Variants in PITPNM2 observed in about 807,000 individuals in gnomAD.
The protein encoded by PITPNM2 is membrane-associated phosphatidylinositol transfer protein 2.
In PITPNM2, 35 loss-of-function variants were observed where a neutral mutation model predicts 132.2. The ratio of observed to expected loss-of-function variants is 0.26; its 90% CI spans 0.20 to 0.35. The LOEUF (loss-of-function observed/expected upper bound fraction) is 0.35. Among genes scored for constraint, PITPNM2 ranks in the 10% least tolerant of loss-of-function variants. The pLI is 1.00. For missense variants in PITPNM2, 1,332 were observed against 1,912.0 expected, an observed-to-expected ratio of 0.70 and a Z score of 5.66; for synonymous variants, 738 against 799.2, an observed-to-expected ratio of 0.92 and a Z score of 1.29.
chr12:123,038,679 C>T (rs1373737668), intron 2 of PITPNM2, among the ~76,000 whole-genome samples: 1 of 151,484 alleles, frequency 6.6e-6, no homozygotes, highest in Non-Finnish European at 1.5e-5. Flanking sequence ...AGGGCAGGAA[C>T]GTGGGGCTCC....
At chr12:123,026,858 T>A (rs763540664) in intron 3 of PITPNM2, among the ~76,000 whole-genome samples, 6 of 152,260 alleles carry the variant, frequency 3.9e-5, no homozygotes, top group African/African-American at 7.2e-5. Context: ...TTCCTGTGTC[T>A]TGGTCCTTTC....
chr12:123,047,760 A>T (rs1209143587), intron 2 of PITPNM2, among the ~76,000 whole-genome samples: 1 of 152,096 alleles, frequency 6.6e-6, no homozygotes, highest in Non-Finnish European at 1.5e-5. Context: ...CTAATGAGAA[A>T]AAAAGGGTGG....
At position 123,063,734 on chromosome 12, in the gene PITPNM2, C is replaced by T. The variant is rs916540438; in HGVS notation, c.-95-29049G>A. The stretch of plus-strand genomic sequence containing the variant: ...GAGCAGGGACCCCTGGAGGAGGGGT[C>T]ACAGCATTGCAGGCAGAACTCAGGC... On this transcript the variant is annotated intron_variant, in intron 2 of 25. Transcript: ENST00000320201. Among the ~76,000 whole-genome samples, 6 of 152,162 alleles carry T rather than the reference C, an allele frequency of 3.9e-5. No homozygotes were observed. In the East Asian group the frequency reaches 9.6e-4, roughly 24 times the overall value.
chr12:123,022,977 T>C lies in PITPNM2; in HGVS notation c.79-8935A>G, dbSNP rs1046313549. Among the ~76,000 whole-genome samples, 4 of 152,204 alleles carry C rather than the reference T, an allele frequency of 2.6e-5. No homozygotes were observed. The highest frequency in any genetic ancestry group is 9.7e-5 in the African/African-American group (4 of 41,448). On this transcript the variant is annotated intron_variant, in intron 3 of 25. Transcript: ENST00000320201. The surrounding 1 kb of genome is among the most constrained non-coding windows in gnomAD (Gnocchi z 4.9). ...AGCAAGGCGGGCTGTGCTCTGCTTG[T>C]TCTCCCAGCTCCCTGCCACAGGGGC...
rs1198549520 is a variant in PITPNM2, at chr12:123,108,476, C to T, written c.-96+1909G>A. On this transcript the variant is annotated intron_variant, in intron 2 of 25. Coordinates refer to ENST00000320201, the MANE Select transcript of PITPNM2 (RefSeq NM_020845.3). This position sits in a 1 kb window ranked among gnomAD's most constrained non-coding sequence, Gnocchi z 4.4. Reference sequence around the variant, plus strand: ...GAAGAGCTCTCACCGGGCCCTGCCTCGACTTGGCAGCCAAGACCTTTGGCA... The same window carrying T: ...GAAGAGCTCTCACCGGGCCCTGCCTTGACTTGGCAGCCAAGACCTTTGGCA... Among the ~76,000 whole-genome samples, 6 of 152,076 alleles carry T rather than the reference C, an allele frequency of 3.9e-5. No homozygotes were observed. Among genetic ancestry groups the T allele is most frequent in the Non-Finnish European group, 1.5e-5 (1 of 68,014 alleles).
At chr12:123,061,600 T>C (rs2136776608) in intron 2 of PITPNM2, among the ~76,000 whole-genome samples, 1 of 152,204 alleles carries the variant, frequency 6.6e-6, no homozygotes, top group South Asian at 2.1e-4. Context: ...TGAGCCAGGG[T>C]CAATGTGGTG....
Position 122,995,372 on chromosome 12 carries a change from C to G in PITPNM2, c.2054+17G>C, listed in dbSNP as rs1309162812. 1.9e-6 allele frequency: 3 copies of G among 1,569,076 alleles called. No individual in the cohort carries two copies. In the African/African-American group the frequency reaches 4.0e-5, roughly 21 times the overall value. On this transcript the variant is annotated intron_variant, in intron 14 of 25. Coordinates refer to ENST00000320201, the MANE Select transcript of PITPNM2 (RefSeq NM_020845.3). The stretch of plus-strand genomic sequence containing the variant: ...CCCACACCCAGAGGCAAGCCCCAGC[C>G]CCCCAGCCCTGCCCACCTGGACAGG...
chr12:123,054,957 A>G (rs549523485), intron 2 of PITPNM2, among the ~76,000 whole-genome samples: 2 of 152,264 alleles, frequency 1.3e-5, no homozygotes, highest in South Asian at 4.1e-4. Flanking sequence ...CCAGCTATTC[A>G]GGAGGCTGAG....
In PITPNM2 at chr12:123,005,175, A is replaced by C; in HGVS notation, c.952+65T>G. ...CTCTGAGGAGGTGCAGTGATCCAGC[A>C]GTGTGTGGGGCTGCCTTGAGGGGAG... On this transcript the variant is annotated intron_variant, in intron 7 of 25. Coordinates refer to ENST00000320201, the MANE Select transcript of PITPNM2 (RefSeq NM_020845.3). The surrounding 1 kb of genome is among the most constrained non-coding windows in gnomAD (Gnocchi z 6.2). The C allele has an allele frequency of 6.5e-7, 1 of 1,528,906 alleles. No individual in the cohort carries two copies. The highest frequency in any genetic ancestry group is 8.9e-7 in the Non-Finnish European group (1 of 1,125,126). 94.7% of individuals were successfully genotyped at this position (1,528,906 alleles called of 1,614,324 possible).
At chr12:123,020,985 T>C (rs1259539480) in intron 3 of PITPNM2, among the ~76,000 whole-genome samples, 1 of 135,164 alleles carries the variant, frequency 7.4e-6, no homozygotes, top group Non-Finnish European at 1.5e-5. Context: ...GCTGAGATCA[T>C]GCCATTGCAC....
At chr12:123,109,963 A>G (rs1025868261) in intron 2 of PITPNM2, among the ~76,000 whole-genome samples, 1 of 152,198 alleles carries the variant, frequency 6.6e-6, no homozygotes, top group Non-Finnish European at 1.5e-5. Flanking sequence ...TCAGGTTTAT[A>G]GTGTCTTTTT....
intron 4 of PITPNM2, 46 bp from the exon 5 acceptor site, chr12:123,012,780 C>T: frequency 1.9e-6 from 3 of 1,604,900 alleles, no homozygotes; most frequent in Non-Finnish European, 2.6e-6. Flanking sequence ...CTTGGAGAGG[C>T]CCAGTGTCCT....
chr12:123,139,904 C>A (rs1193855719), intron 1 of PITPNM2, among the ~76,000 whole-genome samples: 4 of 152,292 alleles, frequency 2.6e-5, no homozygotes, highest in South Asian at 2.1e-4. Flanking sequence ...GACCACCTCC[C>A]CCAAGTTTTC....
chr12:123,023,760 A>G lies in PITPNM2; in HGVS notation c.79-9718T>C, dbSNP rs1479369790. Among the ~76,000 whole-genome samples the G allele has an allele frequency of 3.3e-5, 5 of 152,230 alleles. No individual in the cohort carries two copies. The highest frequency in any genetic ancestry group is 3.3e-4 in the Admixed American group (5 of 15,280). On this transcript the variant is annotated intron_variant, in intron 3 of 25. Transcript: ENST00000320201. The surrounding 1 kb of genome is among the most constrained non-coding windows in gnomAD (Gnocchi z 4.8). ...AGCCATGACACCAAAAGCACAAGCA[A>G]CAAAAGAAAAGACAGATAAACTGGA... is the stretch of plus-strand genomic sequence containing the variant.
At position 122,996,828 on chromosome 12, in the gene PITPNM2, T is replaced by G. The variant is rs1594129417; in HGVS notation, c.1555A>C (p.Thr519Pro). Residue 519 changes from threonine to proline, a missense_variant, in exon 12 of 26, where the codon ACC (threonine) becomes CCC (proline). Around this residue, in one of 6 missense-constraint regions of PITPNM2, gnomAD observed 710 missense variants for 911.5 expected, o/e 0.78. Coordinates refer to ENST00000320201, the MANE Select transcript of PITPNM2 (RefSeq NM_020845.3). ...GCCTCCTGGTACTGGGGGGAGGAGG[T>G]GGCCAGCAGGGGGAGGGCAGCCAGG... ...IPLAALPLLATSSPQYQEAVA... is the reference protein window; with the variant it reads ...IPLAALPLLAPSSPQYQEAVA... The G allele has an allele frequency of 6.3e-7, 1 of 1,598,150 alleles. No individual in the cohort carries two copies. The highest frequency in any genetic ancestry group is 8.5e-7 in the Non-Finnish European group (1 of 1,175,974).
At position 123,009,849 on chromosome 12, in the gene PITPNM2, C is replaced by A; in HGVS notation, c.643+1G>T. ...TGCCCACCTGGCATGGGTGTGCTCA[C>A]CGGTGTCGTGGATGAACCTCTCGAT... is the stretch of plus-strand genomic sequence containing the variant. On this transcript the variant is annotated splice_donor_variant, in intron 6 of 25. Transcript: ENST00000320201. LOFTEE classifies it high-confidence loss of function. The surrounding 1 kb of genome is among the most constrained non-coding windows in gnomAD (Gnocchi z 4.8). The A allele has an allele frequency of 6.2e-7, 1 of 1,614,000 alleles. No homozygotes were observed. Among genetic ancestry groups the A allele is most frequent in the Non-Finnish European group, 8.5e-7 (1 of 1,179,882 alleles).
At position 122,986,799 on chromosome 12, in the gene PITPNM2, G is replaced by A. The variant is rs1344729631; in HGVS notation, c.3444C>T (p.Ile1148=). The change falls in exon 24 of 26, where the codon ATC becomes ATT. Residue 1148 remains isoleucine, a synonymous_variant. Coordinates refer to ENST00000320201, the MANE Select transcript of PITPNM2 (RefSeq NM_020845.3). ...RHWQDLGYLI[I]YVTGRPDMQK... ...GCATGTCGGGCCGGCCCGTCACGTA[G>A]ATGATGAGGTAGCCCAGGTCCTGCC... is the stretch of plus-strand genomic sequence containing the variant. 1.2e-6 allele frequency: 2 copies of A among 1,612,868 alleles called. No homozygotes were observed. The highest frequency in any genetic ancestry group is 1.7e-5 in the Admixed American group (1 of 59,944).
At chr12:123,068,138 C>G (rs2041489562) in intron 2 of PITPNM2, among the ~76,000 whole-genome samples, 1 of 151,920 alleles carries the variant, frequency 6.6e-6, no homozygotes, top group African/African-American at 2.4e-5. Flanking sequence ...TTTCTAGGCC[C>G]CCATGTCAGG....
At chr12:123,068,883 T>C (rs1486893038) in intron 2 of PITPNM2, among the ~76,000 whole-genome samples, 34 of 152,156 alleles carry the variant, frequency 2.2e-4, no homozygotes, top group Admixed American at 2.1e-3. Flanking sequence ...AGAGCCAAGA[T>C]GGTTAAGTCC....
Sources: gnomAD v4.1 joint callset for allele counts (sites outside exome capture counted in the v4.1 genomes callset) on GRCh38, gnomAD v4.1.1 for gene constraint, gnomAD v4.1.1 regional missense constraint, Gnocchi (gnomAD v3.1) non-coding constraint, MANE v1.5 for transcripts, NCBI Gene and HGNC (gene_info 2026-07-23, HGNC 2026-07-21) for gene names.